GABBR2: variants seen among roughly 807,000 people sequenced by gnomAD.
GABBR2 encodes the protein G-protein coupled receptor 51.
In GABBR2, 23 loss-of-function variants were observed where a neutral mutation model predicts 105.6. The observed-to-expected ratio is 0.22, with a 90% confidence interval of 0.16 to 0.31. The LOEUF (loss-of-function observed/expected upper bound fraction) is 0.31. Ranked by LOEUF, GABBR2 falls within the 10% of genes least tolerant of loss-of-function variation. The probability of loss-of-function intolerance (pLI) is 1.00; values close to 1 mark genes in which losing one functional copy is unlikely to be tolerated. For missense variants in GABBR2, 734 were observed against 1,245.5 expected, an observed-to-expected ratio of 0.59 and a Z score of 6.18; for synonymous variants, 478 against 499.7, an observed-to-expected ratio of 0.96 and a Z score of 0.58.
rs182250387 is a variant in GABBR2, at chr9:98,704,555, T to C, written c.321+3862A>G. On this transcript the variant is annotated intron_variant, in intron 1 of 18. Transcript: ENST00000259455. ...TGAGGACATGGGGAAAAACCCATGA[T>C]ACAATGTTAACTGAAGGAAAAAAAC... Among the ~76,000 whole-genome samples, 51 of 152,274 alleles carry C rather than the reference T, an allele frequency of 3.3e-4. No individual in the cohort carries two copies. The East Asian group carries it at 8.5e-3, about 25-fold the overall frequency.
At chr9:98,378,977 T>C (rs1831924585) in intron 11 of GABBR2, among the ~76,000 whole-genome samples, 1 of 152,194 alleles carries the variant, frequency 6.6e-6, no homozygotes, top group Non-Finnish European at 1.5e-5. Context: ...CTTCTGAGCG[T>C]CCCTCAGGGC....
intron 1 of GABBR2, among the ~76,000 whole-genome samples, chr9:98,699,175 C>T (rs1454567944): frequency 2.0e-5 from 3 of 152,080 alleles, no homozygotes; most frequent in Admixed American, 6.6e-5. Context: ...CACTGGTTAG[C>T]GTATTGCTCC....
chr9:98,668,039 C>A (rs189076040), intron 1 of GABBR2, among the ~76,000 whole-genome samples: 2 of 152,324 alleles, frequency 1.3e-5, no homozygotes, highest in East Asian at 3.9e-4. Context: ...AATTTGGGAC[C>A]GCCCTGAAGG....
intron 3 of GABBR2, among the ~76,000 whole-genome samples, chr9:98,521,452 C>T (rs1390957286): frequency 6.6e-6 from 1 of 152,174 alleles, no homozygotes; most frequent in Non-Finnish European, 1.5e-5. Context: ...CACCCTGCAA[C>T]CCAACAGCCT....
chr9:98,624,823 G>A lies in GABBR2; in HGVS notation c.322-46751C>T, dbSNP rs188436298. Among the ~76,000 whole-genome samples, 55 of 152,366 alleles carry A rather than the reference G, an allele frequency of 3.6e-4. No homozygotes were observed. The East Asian group carries it at 9.1e-3, about 25-fold the overall frequency. On this transcript the variant is annotated intron_variant, in intron 1 of 18. Coordinates refer to ENST00000259455, the MANE Select transcript of GABBR2 (RefSeq NM_005458.8). The stretch of plus-strand genomic sequence containing the variant: ...AGGTAGGAGCCCCGAGCCCGGGGCA[G>A]ACAGGGAGGCAGCTTGCATCAATTT...
intron 7 of GABBR2, among the ~76,000 whole-genome samples, chr9:98,423,326 A>G (rs558777859): frequency 6.6e-6 from 1 of 152,144 alleles, no homozygotes; most frequent in Non-Finnish European, 1.5e-5. Flanking sequence ...ATGGTATCTC[A>G]TTGTGGTTTT....
intron 1 of GABBR2, among the ~76,000 whole-genome samples, chr9:98,685,533 G>A (rs913181866): frequency 3.9e-5 from 6 of 152,126 alleles, no homozygotes; most frequent in African/African-American, 1.4e-4. Context: ...CAAGCCCTCA[G>A]TGCACACCTT....
intron 1 of GABBR2, among the ~76,000 whole-genome samples, chr9:98,603,115 G>C (rs1829364311): frequency 6.6e-6 from 1 of 152,164 alleles, no homozygotes; most frequent in South Asian, 2.1e-4. Context: ...AGCAAATTTG[G>C]ACTAAGAGAG....
chr9:98,543,876 G>T (rs186592250), intron 2 of GABBR2, among the ~76,000 whole-genome samples: 7 of 151,536 alleles, frequency 4.6e-5, no homozygotes, highest in Admixed American at 6.6e-5. Context: ...GGTAATCACG[G>T]TTTTTTTTAA....
At chr9:98,605,467 T>A (rs556229376) in intron 1 of GABBR2, among the ~76,000 whole-genome samples, 1 of 152,328 alleles carries the variant, frequency 6.6e-6, no homozygotes, top group Admixed American at 6.5e-5. Context: ...AGCTACTGTA[T>A]GCCCACATGA....
chr9:98,496,653 A>C, intron 3 of GABBR2, 139 bp from the exon 4 acceptor site: 1 of 650,610 alleles, frequency 1.5e-6, no homozygotes, highest in East Asian at 2.7e-5. Context: ...TTTGTTTTAC[A>C]TTATTAACTA....
intron 1 of GABBR2, among the ~76,000 whole-genome samples, chr9:98,678,143 G>A (rs571888022): frequency 6.6e-6 from 1 of 152,200 alleles, no homozygotes; most frequent in South Asian, 2.1e-4. Flanking sequence ...TAAATGAAGA[G>A]TGCACCAGAA....
intron 1 of GABBR2, among the ~76,000 whole-genome samples, chr9:98,678,590 T>C (rs1830503562): frequency 6.6e-6 from 1 of 152,228 alleles, no homozygotes; most frequent in Admixed American, 6.5e-5. Context: ...GCAAACATGA[T>C]ACTAACCTCA....
At chr9:98,396,107 G>A (rs1041535846) in intron 8 of GABBR2, among the ~76,000 whole-genome samples, 4 of 152,146 alleles carry the variant, frequency 2.6e-5, no homozygotes, top group Non-Finnish European at 4.4e-5. Flanking sequence ...TCCCTGACAC[G>A]GGGGTGCCTT....
At chr9:98,607,685 T>C (rs534488336) in intron 1 of GABBR2, 5 of 749,964 alleles carry the variant, frequency 6.7e-6, no homozygotes, top group African/African-American at 1.7e-5. Context: ...CTAAGAAATA[T>C]GTTGATAAGA....
At chr9:98,576,895 A>T (rs2808531) in intron 2 of GABBR2, among the ~76,000 whole-genome samples, 17,852 of 128,210 alleles carry the variant, frequency 0.14, 1,391 homozygotes, top group Admixed American at 0.25. Flanking sequence ...AAGTTGCCTA[A>T]AATATTTGTT....
intron 1 of GABBR2, among the ~76,000 whole-genome samples, chr9:98,617,258 A>T (rs548404703): frequency 6.6e-6 from 1 of 152,314 alleles, no homozygotes; most frequent in Non-Finnish European, 1.5e-5. Flanking sequence ...GCTCAGGGGT[A>T]CCAAGGAAAG....
At chr9:98,384,237 A>C (rs1265450746) in intron 11 of GABBR2, among the ~76,000 whole-genome samples, 1 of 152,234 alleles carries the variant, frequency 6.6e-6, no homozygotes, top group Non-Finnish European at 1.5e-5. Context: ...AATACATCCC[A>C]ACTGATTACT....
intron 11 of GABBR2, among the ~76,000 whole-genome samples, chr9:98,379,738 C>A (rs1208304340): frequency 6.6e-6 from 1 of 152,178 alleles, no homozygotes. Context: ...GCTTTACATA[C>A]ATGATCTCAT....
Sources: gnomAD v4.1 joint callset for allele counts (sites outside exome capture counted in the v4.1 genomes callset) on GRCh38, gnomAD v4.1.1 for gene constraint, MANE v1.5 for transcripts, NCBI Gene and HGNC (gene_info 2026-07-23, HGNC 2026-07-21) for gene names.